The following VRTN variants were observed in gnomAD, a reference collection of about 807,000 sequenced individuals.
VRTN encodes vertnin.
In VRTN, 5 loss-of-function variants were observed where a neutral mutation model predicts 18.2. The ratio of observed to expected loss-of-function variants is 0.27; its 90% CI spans 0.14 to 0.58. The LOEUF (loss-of-function observed/expected upper bound fraction) is 0.58, where lower values mean the gene tolerates loss of function less well. Ranked by LOEUF, VRTN falls within the 20% of genes least tolerant of loss-of-function variation. The pLI, the probability that VRTN is intolerant of heterozygous loss-of-function variation, is 0.91. For synonymous variants in VRTN, 381 were observed against 393.7 expected (o/e 0.97, Z 0.38); for missense variants, 741 against 939.4 (o/e 0.79, Z 2.76).
chr14:74,312,224 T>G (rs1046926014), intron 1 of VRTN, among the ~76,000 whole-genome samples: 1 of 152,244 alleles, frequency 6.6e-6, no homozygotes, highest in African/African-American at 2.4e-5. Flanking sequence ...TATAGTCTCT[T>G]GCTATTACAT....
chr14:74,328,706 G>A (rs1397803686), intron 1 of VRTN, among the ~76,000 whole-genome samples: 1 of 152,224 alleles, frequency 6.6e-6, no homozygotes, highest in South Asian at 2.1e-4. Flanking sequence ...GTTAAAAAGA[G>A]TAAGTTATTG....
In VRTN at chr14:74,358,008, C is replaced by T; in HGVS notation, c.1225C>T (p.Leu409=). 6.2e-7 allele frequency: 1 copy of T among 1,614,230 alleles called. No individual in the cohort carries two copies. Among genetic ancestry groups the T allele is most frequent in the Non-Finnish European group, 8.5e-7 (1 of 1,180,032 alleles). Reference sequence around the variant, plus strand: ...CTTAATGCAGCGGGCCAAGTTGTACCTGGAGCATTGCATCTCCCTGAACAC... The same window carrying T: ...CTTAATGCAGCGGGCCAAGTTGTACTTGGAGCATTGCATCTCCCTGAACAC... The part of the protein sequence containing the change: ...MVLMQRAKLY[L]EHCISLNTLV... Residue 409 remains leucine, a synonymous_variant, in exon 2 of 2, where the codon CTG becomes TTG. Transcript: ENST00000256362. This position sits in a 1 kb window ranked among gnomAD's most constrained non-coding sequence, Gnocchi z 5.4.
In VRTN at chr14:74,358,500, GAGGAGAAGC is replaced by G. The variant is rs777965454; in HGVS notation, c.1726_1734del (p.Gln576_Lys578del). The G allele has an allele frequency of 8.3e-5, 134 of 1,614,030 alleles. No individual in the cohort carries two copies. Among genetic ancestry groups the G allele is most frequent in the Non-Finnish European group, 1.1e-4 (124 of 1,179,976 alleles). Reference sequence around the variant, plus strand: ...CTTGGGCAAAGGGGGGCAGGAGGCTGAGGAGAAGCAGGAGAAGGAGGCTGGCAGGGATGT... The same window carrying G: ...CTTGGGCAAAGGGGGGCAGGAGGCTGAGGAGAAGGAGGCTGGCAGGGATGT... On this transcript the variant is annotated inframe_deletion, in exon 2 of 2. Coordinates refer to ENST00000256362, the MANE Select transcript of VRTN (RefSeq NM_018228.3). The surrounding 1 kb of genome is among the most constrained non-coding windows in gnomAD (Gnocchi z 5.4).
intron 1 of VRTN, among the ~76,000 whole-genome samples, chr14:74,304,471 G>A (rs980141437): frequency 1.2e-4 from 19 of 152,138 alleles, no homozygotes; most frequent in Non-Finnish European, 2.4e-4. Context: ...CTGTCTTTAT[G>A]AAGTGCTATG....
Position 74,312,506 on chromosome 14 carries a change from A to G in VRTN, c.-164+9330A>G, listed in dbSNP as rs376228630. 2.6e-4 allele frequency among the ~76,000 whole-genome samples: 39 copies of G among 152,204 alleles called. No individual in the cohort carries two copies. The Middle Eastern group carries it at 0.01, about 40-fold the overall frequency. ...CACTCTGTAGTCCAGGCTGGAGTGC[A>G]GTGATGTAGTTTTGGTTCACTGCAG... is the stretch of plus-strand genomic sequence containing the variant. On this transcript the variant is annotated intron_variant, in intron 1 of 2. Coordinates refer to the VRTN transcript ENST00000557177.
In VRTN at chr14:74,355,056, C is replaced by A. The variant is rs534554121; in HGVS notation, c.-1-1727C>A. Among the ~76,000 whole-genome samples the A allele has an allele frequency of 6.6e-5, 10 of 150,844 alleles. No homozygotes were observed. The East Asian group carries it at 2.0e-3, about 30-fold the overall frequency. On this transcript the variant is annotated intron_variant, in intron 1 of 1. Coordinates refer to ENST00000256362, the MANE Select transcript of VRTN (RefSeq NM_018228.3). ...ACTCGGGTGGCTGAGGCAGGCAAAT[C>A]TCTTGAACCCGGGAGGTAGAGGTTG...
chr14:74,355,510 T>C (rs532406425), intron 1 of VRTN, among the ~76,000 whole-genome samples: 1 of 152,258 alleles, frequency 6.6e-6, no homozygotes, highest in South Asian at 2.1e-4. Context: ...CGGTTTTCTT[T>C]CTTTTCTTTA....
chr14:74,344,012 G>A (rs1445896424), upstream of VRTN, among the ~76,000 whole-genome samples: 6 of 150,712 alleles, frequency 4.0e-5, no homozygotes, highest in Non-Finnish European at 7.4e-5. Flanking sequence ...GGGCCAGGCT[G>A]GTCTCGAACT....
intron 1 of VRTN, among the ~76,000 whole-genome samples, chr14:74,337,072 C>T (rs966595154): frequency 6.6e-6 from 1 of 152,172 alleles, no homozygotes; most frequent in Non-Finnish European, 1.5e-5. Flanking sequence ...GGGCCAGGTG[C>T]AGTGGGTCAC....
chr14:74,324,387 C>CAAAAAAAAAAAAAAAAAAAAAAAAA, intron 1 of VRTN, among the ~76,000 whole-genome samples: 1 of 73,180 alleles, frequency 1.4e-5, no homozygotes, highest in Non-Finnish European at 2.7e-5. Context: ...GACTCTGACT[C>CAAAAAAAAAAAAAAAAAAAAAAAAA]AAAAAAAAAA....
At chr14:74,342,892 C>T (rs1454021493) in intron 2 of VRTN, among the ~76,000 whole-genome samples, 1 of 152,216 alleles carries the variant, frequency 6.6e-6, no homozygotes, top group East Asian at 1.9e-4. Flanking sequence ...TCTAGGATTA[C>T]AGGTGTGAGC....
chr14:74,318,536 G>T (rs749548143), intron 1 of VRTN, among the ~76,000 whole-genome samples: 4 of 152,050 alleles, frequency 2.6e-5, no homozygotes, highest in Non-Finnish European at 5.9e-5. Context: ...CTCCCAAAGC[G>T]CTGGGATTAC....
chr14:74,309,698 A>G (rs1195673832), intron 1 of VRTN, among the ~76,000 whole-genome samples: 1 of 152,150 alleles, frequency 6.6e-6, no homozygotes, highest in Non-Finnish European at 1.5e-5. Context: ...CCTCGTTTCT[A>G]AAAGTAAATA....
chr14:74,344,524 G>C (rs922186982), upstream of VRTN, among the ~76,000 whole-genome samples: 9 of 151,256 alleles, frequency 6.0e-5, no homozygotes, highest in African/African-American at 2.2e-4. Flanking sequence ...CTTGAGGTCA[G>C]GAGTTCGAAA....
chr14:74,349,883 C>T (rs902215738), intron 1 of VRTN, among the ~76,000 whole-genome samples: 4 of 152,160 alleles, frequency 2.6e-5, no homozygotes, highest in Non-Finnish European at 2.9e-5. Context: ...CCTTTACCCC[C>T]GCCCTTCTAA....
intron 1 of VRTN, among the ~76,000 whole-genome samples, chr14:74,353,528 G>C (rs573311826): frequency 9.9e-5 from 15 of 152,152 alleles, no homozygotes; most frequent in African/African-American, 3.4e-4. Context: ...GCTGTTTCTG[G>C]GGCAGCACTT....
chr14:74,333,393 G>C (rs921278202), intron 1 of VRTN, among the ~76,000 whole-genome samples: 3 of 149,888 alleles, frequency 2.0e-5, no homozygotes, highest in African/African-American at 7.4e-5. Context: ...AAAAAAAAGA[G>C]GTGGGAGGAT....
chr14:74,312,963 G>A (rs768920056), intron 1 of VRTN, among the ~76,000 whole-genome samples: 7 of 151,698 alleles, frequency 4.6e-5, no homozygotes, highest in South Asian at 4.2e-4. Flanking sequence ...GGCTGGTCTC[G>A]AACTCCTGAC....
chr14:74,312,220 C>T (rs921572316), intron 1 of VRTN, among the ~76,000 whole-genome samples: 3 of 152,156 alleles, frequency 2.0e-5, no homozygotes, highest in Non-Finnish European at 4.4e-5. Context: ...GGGTTATAGT[C>T]TCTTGCTATT....
Sources: allele counts gnomAD v4.1 joint callset (sites outside exome capture counted in the v4.1 genomes callset), GRCh38; gene constraint gnomAD v4.1.1; non-coding constraint Gnocchi (gnomAD v3.1); transcripts MANE v1.5; gene names NCBI Gene and HGNC (gene_info 2026-07-23, HGNC 2026-07-21).